The following PTPRK variants were observed in gnomAD, a reference collection of about 807,000 sequenced individuals.
The protein encoded by PTPRK is protein tyrosine phosphatase receptor type K, also known as receptor-type tyrosine-protein phosphatase kappa.
In PTPRK, 75 loss-of-function variants were observed where a neutral mutation model predicts 178.0. The ratio of observed to expected loss-of-function variants is 0.42; its 90% confidence interval spans 0.35 to 0.51. The LOEUF is 0.51. Ranked by LOEUF, PTPRK falls within the 20% of genes least tolerant of loss-of-function variation. The probability of loss-of-function intolerance (pLI) is 0.02; values close to 1 mark genes in which losing one functional copy is unlikely to be tolerated. For synonymous variants in PTPRK, 637 were observed against 620.6 expected (o/e 1.03, Z -0.39); for missense variants, 1,441 against 1,797.8 (o/e 0.80, Z 3.59).
chr6:128,170,817 A>G (rs546596104), intron 7 of PTPRK, among the ~76,000 whole-genome samples: 70 of 152,112 alleles, frequency 4.6e-4, no homozygotes, highest in African/African-American at 1.6e-3. Flanking sequence ...ATTTCATATC[A>G]ATTGACAGAT....
intron 7 of PTPRK, among the ~76,000 whole-genome samples, chr6:128,146,919 T>G (rs1024734117): frequency 1.3e-5 from 2 of 152,158 alleles, no homozygotes; most frequent in African/African-American, 4.8e-5. Context: ...TCTGTAAGTA[T>G]CATATAATTG....
At chr6:128,366,675 A>G (rs965298496) in intron 2 of PTPRK, among the ~76,000 whole-genome samples, 8 of 152,182 alleles carry the variant, frequency 5.3e-5, no homozygotes, top group Non-Finnish European at 1.2e-4. Flanking sequence ...AGAGACTGTG[A>G]CAACAATGCC....
intron 14 of PTPRK, 108 bp from the exon 15 acceptor site, chr6:128,005,352 GT>G: frequency 9.3e-7 from 1 of 1,073,866 alleles, no homozygotes; most frequent in Non-Finnish European, 1.3e-6. Flanking sequence ...TACAAACATG[GT>G]TTAGAAACCC....
At chr6:128,510,316 T>A (rs1309433459) in intron 1 of PTPRK, among the ~76,000 whole-genome samples, 1 of 152,202 alleles carries the variant, frequency 6.6e-6, no homozygotes, top group Admixed American at 6.5e-5. Flanking sequence ...ACAGCCTGGG[T>A]AAATCTCTCA....
chr6:128,498,836 T>C (rs976099595), intron 1 of PTPRK, among the ~76,000 whole-genome samples: 1 of 152,190 alleles, frequency 6.6e-6, no homozygotes, highest in Non-Finnish European at 1.5e-5. Context: ...CTGCTAGCTA[T>C]TTTCAATTAC....
intron 6 of PTPRK, among the ~76,000 whole-genome samples, chr6:128,210,775 C>G (rs1282456852): frequency 6.6e-6 from 1 of 151,896 alleles, no homozygotes; most frequent in Non-Finnish European, 1.5e-5. Context: ...CATGGTATCT[C>G]CATATGTATA....
Position 128,356,248 on chromosome 6 carries a change from T to C in PTPRK, c.224-33938A>G, listed in dbSNP as rs1488551762. Among the ~76,000 whole-genome samples, 3 of 152,166 alleles carry C rather than the reference T, an allele frequency of 2.0e-5. No homozygotes were observed. In the East Asian group the frequency reaches 5.8e-4, roughly 29 times the overall value. On this transcript the variant is annotated intron_variant, in intron 2 of 29. Coordinates refer to ENST00000368226, the MANE Select transcript of PTPRK (RefSeq NM_002844.4). ...GGCCCCTGCATAGAATCTCCTCCAT[T>C]TTAACAACAACAGCAACAACAACAA...
At chr6:128,229,430 C>A (rs1477317642) in intron 5 of PTPRK, among the ~76,000 whole-genome samples, 1 of 152,140 alleles carries the variant, frequency 6.6e-6, no homozygotes, top group African/African-American at 2.4e-5. Context: ...GGTATTTTAT[C>A]ATTAAATATA....
chr6:128,216,865 G>A (rs1809404779), intron 6 of PTPRK, among the ~76,000 whole-genome samples: 1 of 152,046 alleles, frequency 6.6e-6, no homozygotes, highest in Non-Finnish European at 1.5e-5. Flanking sequence ...AATCTTTTGA[G>A]AAATACATCA....
intron 2 of PTPRK, among the ~76,000 whole-genome samples, chr6:128,374,279 T>C (rs1836707262): frequency 6.6e-6 from 1 of 152,094 alleles, no homozygotes; most frequent in Non-Finnish European, 1.5e-5. Context: ...ACTCTTCTGC[T>C]CTCTATTCGT....
intron 1 of PTPRK, among the ~76,000 whole-genome samples, chr6:128,451,493 T>G (rs1847790827): frequency 6.6e-6 from 1 of 152,068 alleles, no homozygotes; most frequent in African/African-American, 2.4e-5. Context: ...TTGTGTGGGG[T>G]GAGTTTTTTT....
intron 19 of PTPRK, 78 bp downstream of exon 19, chr6:127,992,595 A>G: frequency 7.9e-7 from 1 of 1,269,136 alleles, no homozygotes; most frequent in Admixed American, 2.4e-5. Flanking sequence ...GATAAAATTT[A>G]AAAAATAATA....
intron 1 of PTPRK, among the ~76,000 whole-genome samples, chr6:128,453,939 A>C (rs2128408012): frequency 6.6e-6 from 1 of 152,286 alleles, no homozygotes; most frequent in Non-Finnish European, 1.5e-5. Flanking sequence ...GGTAAAGCAA[A>C]GTTCTTCTAT....
intron 2 of PTPRK, among the ~76,000 whole-genome samples, chr6:128,392,951 CAA>C (rs1014537676): frequency 2.6e-5 from 4 of 151,828 alleles, no homozygotes; most frequent in African/African-American, 9.7e-5. Flanking sequence ...AATTTTCTAA[CAA>C]GAGGAAAAAC....
At chr6:128,050,128 T>C (rs1367352319) in intron 13 of PTPRK, among the ~76,000 whole-genome samples, 1 of 145,196 alleles carries the variant, frequency 6.9e-6, no homozygotes, top group Non-Finnish European at 1.5e-5. Flanking sequence ...AACAGTGAAA[T>C]TCCGCCTCAA....
At chr6:127,990,324 A>G (rs1776460701) in intron 21 of PTPRK, among the ~76,000 whole-genome samples, 1 of 152,080 alleles carries the variant, frequency 6.6e-6, no homozygotes, top group Non-Finnish European at 1.5e-5. Context: ...TGTCAGAAAC[A>G]TTATTGCCCT....
chr6:128,181,962 T>C (rs990444098), intron 7 of PTPRK, among the ~76,000 whole-genome samples: 6 of 152,270 alleles, frequency 3.9e-5, no homozygotes, highest in South Asian at 4.1e-4. Flanking sequence ...ACATTCCTGA[T>C]GAAATAGTAA....
At chr6:128,228,374 C>T (rs563152145) in intron 5 of PTPRK, among the ~76,000 whole-genome samples, 12 of 151,294 alleles carry the variant, frequency 7.9e-5, no homozygotes, top group East Asian at 2.0e-4. Flanking sequence ...CTTCTGGGTG[C>T]GGTGGCTCAC....
intron 13 of PTPRK, among the ~76,000 whole-genome samples, chr6:128,011,445 C>T (rs1375592232): frequency 4.6e-5 from 7 of 151,070 alleles, no homozygotes; most frequent in African/African-American, 1.7e-4. Context: ...AAAATACATG[C>T]TATTATGGTA....
Sources: gnomAD v4.1 joint callset for allele counts (sites outside exome capture counted in the v4.1 genomes callset) on GRCh38, gnomAD v4.1.1 for gene constraint, MANE v1.5 for transcripts, NCBI Gene and HGNC (gene_info 2026-07-23, HGNC 2026-07-21) for gene names.